TENM3: variants seen among roughly 807,000 people sequenced by gnomAD.
TENM3 encodes the protein teneurin-3.
In TENM3, 63 loss-of-function variants were observed where a neutral mutation model predicts 255.1. The ratio of observed to expected loss-of-function variants is 0.25; its 90% CI spans 0.20 to 0.30. TENM3 has a LOEUF of 0.30. Ranked by LOEUF, TENM3 falls within the 10% of genes least tolerant of loss-of-function variation. TENM3 has a pLI of 1.00. For missense variants in TENM3, 2,929 were observed against 3,461.1 expected (o/e 0.85, Z 3.86); for synonymous variants, 1,306 against 1,322.3 (o/e 0.99, Z 0.27).
intron 1 of TENM3, among the ~76,000 whole-genome samples, chr4:182,220,744 T>C (rs924064757): frequency 1.2e-4 from 19 of 152,258 alleles, no homozygotes; most frequent in African/African-American, 3.9e-4. Flanking sequence ...AACTAGCCCA[T>C]GTACAGTGTA....
chr4:181,994,478 C>G, the TENM3 span, among the ~76,000 whole-genome samples: 7 of 151,846 alleles, frequency 4.6e-5, no homozygotes, highest in South Asian at 1.5e-3. Flanking sequence ...AGTGGCTTCC[C>G]GAAATATCAG....
At chr4:182,658,499 A>C (rs931498714) in intron 6 of TENM3, among the ~76,000 whole-genome samples, 7 of 152,208 alleles carry the variant, frequency 4.6e-5, no homozygotes, top group South Asian at 2.1e-4. Flanking sequence ...TTTTGTAGAC[A>C]GTGGTGGTAG....
chr4:182,371,319 TTAATGA>T (rs1373021616), intron 3 of TENM3, among the ~76,000 whole-genome samples: 1 of 152,004 alleles, frequency 6.6e-6, no homozygotes, highest in Non-Finnish European at 1.5e-5. Flanking sequence ...TTTTGCCTTT[TTAATGA>T]TAATAACACC....
the TENM3 span, among the ~76,000 whole-genome samples, chr4:181,534,762 T>C: frequency 6.6e-6 from 1 of 152,166 alleles, no homozygotes; most frequent in Admixed American, 6.5e-5. Flanking sequence ...CCGTTCACTG[T>C]TTCTCCACCT....
intron 13 of TENM3, among the ~76,000 whole-genome samples, chr4:182,719,384 C>T (rs1489217636): frequency 1.3e-5 from 2 of 150,766 alleles, no homozygotes; most frequent in Non-Finnish European, 2.9e-5. Flanking sequence ...GCCTCAGCCT[C>T]CCGAGTAGCT....
At chr4:181,867,637 G>A in the TENM3 span, among the ~76,000 whole-genome samples, 1 of 152,160 alleles carries the variant, frequency 6.6e-6, no homozygotes, top group African/African-American at 2.4e-5. Flanking sequence ...GAGCAAACGA[G>A]TTATCATTTT....
At chr4:181,510,453 G>A in the TENM3 span, among the ~76,000 whole-genome samples, 2 of 151,978 alleles carry the variant, frequency 1.3e-5, no homozygotes, top group African/African-American at 4.8e-5. Context: ...ATTCTCCAAG[G>A]GGTAAAAGTG....
At chr4:181,682,363 A>C in the TENM3 span, among the ~76,000 whole-genome samples, 1 of 152,056 alleles carries the variant, frequency 6.6e-6, no homozygotes, top group African/African-American at 2.4e-5. Flanking sequence ...TTCTCCTTTA[A>C]GTATGCATCT....
intron 12 of TENM3, 23 bp downstream of exon 12, chr4:182,688,374 T>A: frequency 1.3e-6 from 2 of 1,516,236 alleles, no homozygotes. Context: ...CAAGTCTGTG[T>A]CTGTCCCCTT....
Position 182,792,748 on chromosome 4 carries a change from C to T in TENM3, c.6076C>T (p.Arg2026Ter), listed in dbSNP as rs753144702. 1 of 1,613,890 alleles carries T rather than the reference C, an allele frequency of 6.2e-7. No homozygotes were observed. The highest frequency in any genetic ancestry group is 8.5e-7 in the Non-Finnish European group (1 of 1,179,890). Residue 2026 changes from arginine to a stop codon, truncating the protein, a stop_gained, in exon 26 of 28, where the codon CGA becomes TGA. Transcript: ENST00000511685. LOFTEE classifies it high-confidence loss of function. The surrounding 1 kb of genome is among the most constrained non-coding windows in gnomAD (Gnocchi z 6.3). ...TGACTATAGCTATGACAACAGCTTT[C>T]GAGTGACCAGCATGCAGGGTGTGAT... is the stretch of plus-strand genomic sequence containing the variant. ...RFDYSYDNSF[R>*]VTSMQGVINE...
chr4:182,061,994 T>C, the TENM3 span, among the ~76,000 whole-genome samples: 1 of 152,060 alleles, frequency 6.6e-6, no homozygotes, highest in Admixed American at 6.6e-5. Context: ...AAATTAAATA[T>C]TTGCATTGTT....
intron 3 of TENM3, among the ~76,000 whole-genome samples, chr4:182,369,638 T>C (rs1307814383): frequency 3.9e-5 from 6 of 152,134 alleles, no homozygotes; most frequent in African/African-American, 1.4e-4. Context: ...CCCAGCACTT[T>C]GGGAGGCTGA....
the TENM3 span, among the ~76,000 whole-genome samples, chr4:181,759,893 A>G: frequency 4.6e-5 from 7 of 152,198 alleles, no homozygotes; most frequent in Non-Finnish European, 1.0e-4. Context: ...TCTTCCTAAC[A>G]GCCTTTTATA....
At chr4:181,681,660 C>T in the TENM3 span, among the ~76,000 whole-genome samples, 25 of 151,896 alleles carry the variant, frequency 1.6e-4, no homozygotes, top group Non-Finnish European at 3.1e-4. Flanking sequence ...AAGGAAATAC[C>T]GACTCACGAT....
the TENM3 span, among the ~76,000 whole-genome samples, chr4:181,849,843 C>G: frequency 6.6e-6 from 1 of 151,896 alleles, no homozygotes. Context: ...AATGTTACTC[C>G]CCTTTAAGAG....
intron 1 of TENM3, among the ~76,000 whole-genome samples, chr4:182,313,798 T>C (rs1254479554): frequency 1.3e-5 from 2 of 152,186 alleles, no homozygotes; most frequent in Non-Finnish European, 2.9e-5. Flanking sequence ...CATTCTCAAC[T>C]CTTTTCTTTT....
the TENM3 span, among the ~76,000 whole-genome samples, chr4:182,078,604 T>C: frequency 4.5e-3 from 678 of 152,232 alleles, 1 homozygote; most frequent in African/African-American, 0.016. Context: ...CGTGACCACA[T>C]TGATACTTTT....
chr4:182,471,182 G>A (rs1009823447), intron 3 of TENM3, among the ~76,000 whole-genome samples: 2 of 152,136 alleles, frequency 1.3e-5, no homozygotes, highest in Admixed American at 1.3e-4. Flanking sequence ...CACTGTAATA[G>A]GGATAATGCA....
chr4:182,568,835 T>A (rs540816995), intron 3 of TENM3, among the ~76,000 whole-genome samples: 2 of 152,274 alleles, frequency 1.3e-5, no homozygotes, highest in East Asian at 3.9e-4. Context: ...GAAAAATGAA[T>A]GCACCTCAAA....
Sources: gnomAD v4.1 joint callset for allele counts (sites outside exome capture counted in the v4.1 genomes callset) on GRCh38, gnomAD v4.1.1 for gene constraint, Gnocchi (gnomAD v3.1) non-coding constraint, MANE v1.5 for transcripts, NCBI Gene and HGNC (gene_info 2026-07-23, HGNC 2026-07-21) for gene names.